CDH12: variants seen among roughly 807,000 people sequenced by gnomAD.
CDH12 encodes cadherin-12.
A neutral mutation model predicts 74.1 loss-of-function variants in CDH12; 41 were observed. The observed-to-expected ratio is 0.55, with a 90% CI of 0.43 to 0.72. The LOEUF is 0.72. Among genes scored for constraint, CDH12 ranks in the 30% least tolerant of loss-of-function variants. The probability of loss-of-function intolerance (pLI) is 0.00; values close to 1 mark genes in which losing one functional copy is unlikely to be tolerated. For missense variants in CDH12, 945 were observed against 977.2 expected, an observed-to-expected ratio of 0.97 and a Z score of 0.44; for synonymous variants, 399 against 355.0, an observed-to-expected ratio of 1.12 and a Z score of -1.39.
chr5:21,792,806 G>T (rs377551344), intron 10 of CDH12, among the ~76,000 whole-genome samples: 8 of 151,394 alleles, frequency 5.3e-5, no homozygotes, highest in African/African-American at 1.9e-4. Context: ...TTTACTCTGC[G>T]GACACCTTGA....
chr5:21,913,600 AC>A (rs1374529355), intron 6 of CDH12, among the ~76,000 whole-genome samples: 2 of 152,138 alleles, frequency 1.3e-5, no homozygotes, highest in African/African-American at 4.8e-5. Context: ...AACATTAATC[AC>A]ACATATATAA....
At chr5:22,747,700 C>T (rs758820537) in intron 1 of CDH12, among the ~76,000 whole-genome samples, 3 of 151,266 alleles carry the variant, frequency 2.0e-5, no homozygotes, top group Non-Finnish European at 4.4e-5. Flanking sequence ...GTTCTTGTTG[C>T]TTATGATTTC....
At chr5:22,666,844 A>C (rs946891236) in intron 1 of CDH12, among the ~76,000 whole-genome samples, 3 of 152,234 alleles carry the variant, frequency 2.0e-5, no homozygotes, top group Non-Finnish European at 4.4e-5. Context: ...GTTTTATAAA[A>C]GTTATAAAAA....
chr5:22,728,885 T>C (rs2127000917), intron 1 of CDH12, among the ~76,000 whole-genome samples: 1 of 151,896 alleles, frequency 6.6e-6, no homozygotes, highest in South Asian at 2.1e-4. Context: ...ACCATACCAT[T>C]GATGCTTAGG....
chr5:22,753,061 TG>T (rs1252076219), intron 1 of CDH12, among the ~76,000 whole-genome samples: 1 of 151,412 alleles, frequency 6.6e-6, no homozygotes, highest in Non-Finnish European at 1.5e-5. Flanking sequence ...TTTGAAGAGG[TG>T]AAACTTTGGC....
intron 3 of CDH12, among the ~76,000 whole-genome samples, chr5:22,228,728 CAT>C (rs1021803995): frequency 1.1e-4 from 16 of 152,022 alleles, no homozygotes; most frequent in African/African-American, 3.9e-4. Context: ...CCTGGAAAAG[CAT>C]AAATCCCTTA....
At chr5:22,681,772 T>TA (rs956727745) in intron 1 of CDH12, among the ~76,000 whole-genome samples, 25 of 152,256 alleles carry the variant, frequency 1.6e-4, no homozygotes, top group African/African-American at 6.0e-4. Flanking sequence ...GGTAATTTCT[T>TA]ACGCTAGGTT....
intron 1 of CDH12, among the ~76,000 whole-genome samples, chr5:22,536,133 T>C (rs1737832159): frequency 6.6e-6 from 1 of 152,218 alleles, no homozygotes; most frequent in Non-Finnish European, 1.5e-5. Flanking sequence ...CAATCCCTCA[T>C]GGATACCGAG....
At chr5:22,047,873 G>A (rs895474497) in intron 5 of CDH12, among the ~76,000 whole-genome samples, 1 of 152,228 alleles carries the variant, frequency 6.6e-6, no homozygotes, top group South Asian at 2.1e-4. Flanking sequence ...TGTGTGAGAT[G>A]GTCACACAGA....
Position 21,880,616 on chromosome 5 carries a change from C to CTTCCTTCCTTCCTTCTTTCTCTCT in CDH12, c.527-25827_527-25826insAGAGAGAAAGAAGGAAGGAAGGAA, listed in dbSNP as rs758455941. Among the ~76,000 whole-genome samples, 14 of 50,866 alleles carry CTTCCTTCCTTCCTTCTTTCTCTCT rather than the reference C, an allele frequency of 2.8e-4. No individual in the cohort carries two copies. The East Asian group carries it at 3.2e-3, about 12-fold the overall frequency. 33.4% of individuals were successfully genotyped at this position (50,866 alleles called of 152,430 possible). ...CCTTCCTTCCTTCCTTCCTTCCTTC[C>CTTCCTTCCTTCCTTCTTTCTCTCT]TTCTTTCTTTCTTTCTTTCTTTCTT... On this transcript the variant is annotated intron_variant, in intron 6 of 14. Transcript: ENST00000382254.
At chr5:21,782,272 C>A (rs902627833) in intron 11 of CDH12, among the ~76,000 whole-genome samples, 1 of 152,124 alleles carries the variant, frequency 6.6e-6, no homozygotes, top group African/African-American at 2.4e-5. Flanking sequence ...TTCCAACGAG[C>A]AAGGCAGAAG....
chr5:22,545,514 C>T (rs1200934310), intron 1 of CDH12, among the ~76,000 whole-genome samples: 2 of 152,132 alleles, frequency 1.3e-5, no homozygotes, highest in Non-Finnish European at 2.9e-5. Flanking sequence ...ACAAGAATAG[C>T]AGGGTCATAA....
At chr5:22,506,514 C>T (rs914920608) in intron 1 of CDH12, among the ~76,000 whole-genome samples, 3 of 152,026 alleles carry the variant, frequency 2.0e-5, no homozygotes, top group African/African-American at 7.2e-5. Context: ...TGAGTACTTC[C>T]TTAAGTCCTG....
At chr5:22,818,852 T>A (rs1419431468) in intron 1 of CDH12, among the ~76,000 whole-genome samples, 3 of 152,120 alleles carry the variant, frequency 2.0e-5, no homozygotes, top group Non-Finnish European at 4.4e-5. Context: ...AGTTATTTAG[T>A]TTCAGTAGTT....
chr5:22,275,213 C>T (rs929191102), intron 3 of CDH12, among the ~76,000 whole-genome samples: 1 of 151,722 alleles, frequency 6.6e-6, no homozygotes, highest in Non-Finnish European at 1.5e-5. Flanking sequence ...TTGATGGGTG[C>T]AGCAAACCAC....
rs576733075 is a variant in CDH12 at position 22,750,846 on chromosome 5, A to G, written c.-523+102212T>C. 1.6e-3 allele frequency among the ~76,000 whole-genome samples: 246 copies of G among 152,034 alleles called. 1 individual carries two copies. The highest frequency in any genetic ancestry group is 3.0e-3 in the Non-Finnish European group (206 of 67,954). On this transcript the variant is annotated intron_variant, in intron 1 of 14. Transcript: ENST00000382254. ...TAGGTGGCTCTGTAGCTCAGAAGTC[A>G]GGTCCCAACTCAACATACACATTTG...
intron 5 of CDH12, among the ~76,000 whole-genome samples, chr5:22,036,831 C>A (rs546358649): frequency 6.6e-6 from 1 of 152,184 alleles, no homozygotes; most frequent in East Asian, 1.9e-4. Context: ...ACAAAGGCAT[C>A]AAAGGACAGC....
intron 4 of CDH12, among the ~76,000 whole-genome samples, chr5:22,087,980 C>T (rs527985699): frequency 2.9e-4 from 44 of 152,170 alleles, no homozygotes; most frequent in Non-Finnish European, 4.7e-4. Context: ...TGTCTGAAGC[C>T]ACTTAGACTC....
At chr5:21,993,885 G>A (rs549887954) in intron 5 of CDH12, among the ~76,000 whole-genome samples, 112 of 152,152 alleles carry the variant, frequency 7.4e-4, no homozygotes, top group Non-Finnish European at 1.3e-3. Flanking sequence ...TCTAATATTT[G>A]CATTACTTCA....
Sources: gnomAD v4.1 joint callset for allele counts (sites outside exome capture counted in the v4.1 genomes callset) on GRCh38, gnomAD v4.1.1 for gene constraint, MANE v1.5 for transcripts, NCBI Gene and HGNC (gene_info 2026-07-23, HGNC 2026-07-21) for gene names.